The following OR2T29 variants were observed in gnomAD, a reference collection of about 807,000 sequenced individuals.
OR2T29 encodes the protein olfactory receptor family 2 subfamily T member 29, also known as olfactory receptor 2T29.
For synonymous variants in OR2T29, 2 were observed against 44.9 expected, an observed-to-expected ratio of 0.04 and a Z score of 3.82; for missense variants, 7 against 121.9, an observed-to-expected ratio of 0.06 and a Z score of 4.44.
Position 248,559,465 on chromosome 1 carries a change from G to A in OR2T29, c.27C>T (p.Asn9=), listed in dbSNP as rs1278349237. The A allele has an allele frequency of 1.3e-6, 2 of 1,583,238 alleles. No homozygotes were observed. The highest frequency in any genetic ancestry group is 2.7e-5 in the African/African-American group (2 of 73,070). Residue 9 remains asparagine, a synonymous_variant, in exon 2 of 2, where the codon AAC becomes AAT. Coordinates refer to ENST00000641069, the MANE Select transcript of OR2T29 (RefSeq NM_001004694.3). ...GGATGAAATCCAACCTTCCAGTGTGGTTGGCCATCCTGGTGATGTTGGCCA... is the reference window on the plus strand; with the variant it reads ...GGATGAAATCCAACCTTCCAGTGTGATTGGCCATCCTGGTGATGTTGGCCA... The part of the protein sequence containing the change: MANITRMA[N]HTGRLDFILM...
At chr1:248,559,539 C>G in intron 1 of OR2T29, 38 bp from the exon 2 acceptor site, 1 of 1,095,246 alleles carries the variant, frequency 9.1e-7, no homozygotes, top group Non-Finnish European at 1.4e-6. Flanking sequence ...CAGTGTAACG[C>G]GTCCCTTTGT....
At chr1:248,562,608 G>T (rs1572078301) in intron 1 of OR2T29, 118 bp downstream of exon 1, 1 of 144,758 alleles carries the variant, frequency 6.9e-6, no homozygotes, top group Non-Finnish European at 1.5e-5. Flanking sequence ...AGATGATAAA[G>T]AAAAAATGAG....
chr1:248,562,681 C>CCT (rs1305073049), intron 1 of OR2T29, 45 bp downstream of exon 1: 1 of 145,190 alleles, frequency 6.9e-6, no homozygotes, highest in Admixed American at 6.8e-5. Flanking sequence ...CAGTGATGAC[C>CCT]CTTTTGTTCC....
intron 1 of OR2T29, among the ~76,000 whole-genome samples, chr1:248,560,497 G>A (rs1246529661): frequency 2.1e-5 from 1 of 48,606 alleles, no homozygotes; most frequent in African/African-American, 3.7e-5. Context: ...TAAAGCATAT[G>A]ACCCACTTTA....
chr1:248,560,684 G>A (rs980562542), intron 1 of OR2T29, among the ~76,000 whole-genome samples: 1 of 10,556 alleles, frequency 9.5e-5, no homozygotes, highest in African/African-American at 1.3e-4. Context: ...TTCCTGCCTA[G>A]TATGTGGTCC....
intron 1 of OR2T29, among the ~76,000 whole-genome samples, chr1:248,561,932 C>T (rs1377459928): frequency 4.9e-5 from 7 of 142,816 alleles, no homozygotes; most frequent in Admixed American, 4.9e-4. Context: ...GTTCATTCTT[C>T]TTCTGTACCC....
chr1:248,562,276 T>A (rs11486191), intron 1 of OR2T29, among the ~76,000 whole-genome samples: 26,613 of 135,878 alleles, frequency 0.2, 280 homozygotes, highest in East Asian at 0.37. Flanking sequence ...CCATCCTCCC[T>A]CTGCAGTCTA....
At chr1:248,560,514 AAC>A (rs1290827307) in intron 1 of OR2T29, among the ~76,000 whole-genome samples, 576 of 40,456 alleles carry the variant, frequency 0.014, 2 homozygotes, top group African/African-American at 0.024. Context: ...TTTAAAAAAA[AAC>A]AATTTGGATT....
rs1183996118 is a variant in OR2T29 at position 248,559,492 on chromosome 1, G to A, written c.-1C>T. 1 of 1,595,394 alleles carries A rather than the reference G, an allele frequency of 6.3e-7. No homozygotes were observed. Among genetic ancestry groups the A allele is most frequent in the Non-Finnish European group, 8.5e-7 (1 of 1,170,138 alleles). On this transcript the variant is annotated 5_prime_UTR_variant, in exon 2 of 2. Transcript: ENST00000641069. ...TGGCCATCCTGGTGATGTTGGCCAT[G>A]AGGTTTCACCTAGGCCACCAAGGAG...
At chr1:248,562,374 G>A (rs1659537932) in intron 1 of OR2T29, among the ~76,000 whole-genome samples, 1 of 135,344 alleles carries the variant, frequency 7.4e-6, no homozygotes, top group Non-Finnish European at 1.5e-5. Flanking sequence ...GTAACCCTCA[G>A]AAATAATCCC....
chr1:248,560,226 A>G (rs1268614024), intron 1 of OR2T29, among the ~76,000 whole-genome samples: 1 of 49,092 alleles, frequency 2.0e-5, no homozygotes, highest in African/African-American at 3.6e-5. Context: ...GATAAAAATC[A>G]TGTTTGAGCT....
rs1282641940 is a variant in OR2T29 at position 248,558,986 on chromosome 1, C to G, written c.506G>C (p.Ser169Thr). Residue 169 changes from serine (S) to threonine (T), a missense_variant, in exon 2 of 2, where the codon AGC becomes ACC. Coordinates refer to ENST00000641069, the MANE Select transcript of OR2T29 (RefSeq NM_001004694.3). ...CTCCCAGGATCTGCAGAAGGGGAAG[C>G]TCATGGTGATGGGAGTGAGCATGAA... ...DGFMLTPITM[S>T]FPFCRSWEIH... 4 of 183,508 alleles carry G rather than the reference C, an allele frequency of 2.2e-5. 1 individual carries two copies. The highest frequency in any genetic ancestry group is 1.5e-4 in the South Asian group (4 of 26,722). 11.4% of individuals were successfully genotyped at this position (183,508 alleles called of 1,614,324 possible). A position where few individuals can be genotyped will look rare whatever the true frequency, so the allele number is the denominator to read the frequency against.
chr1:248,561,913 T>TGGCC, intron 1 of OR2T29, among the ~76,000 whole-genome samples: 1 of 139,074 alleles, frequency 7.2e-6, no homozygotes, highest in African/African-American at 2.8e-5. Context: ...CACAGTGAAC[T>TGGCC]GGCCCCCTGT....
In OR2T29 at chr1:248,558,141, CAT is replaced by C. The variant is rs1227763710; in HGVS notation, c.*401_*402del. On this transcript the variant is annotated 3_prime_UTR_variant, in exon 2 of 2. Coordinates refer to ENST00000641069, the MANE Select transcript of OR2T29 (RefSeq NM_001004694.3). ...AATTAATACCTATATACCCTTTACC[CAT>C]ACTCATGTGTGGCAGCAACATTGAA... is the stretch of plus-strand genomic sequence containing the variant. 3 of 110,438 alleles carry C rather than the reference CAT, an allele frequency of 2.7e-5. No homozygotes were observed. Among genetic ancestry groups the C allele is most frequent in the African/African-American group, 1.0e-4 (3 of 30,048 alleles). The allele number at this position is 110,438 out of a possible 1,614,324, so 6.8% of individuals were successfully genotyped here.
Position 248,559,591 on chromosome 1 carries a change from G to T in OR2T29, c.-10-90C>A. 4 of 787,980 alleles carry T rather than the reference G, an allele frequency of 5.1e-6. No homozygotes were observed. In the South Asian group the frequency reaches 6.6e-5, roughly 13 times the overall value. The allele number at this position is 787,980 out of a possible 1,614,324, so 48.8% of individuals were successfully genotyped here. A position where few individuals can be genotyped will look rare whatever the true frequency, so the allele number is the denominator to read the frequency against. On this transcript the variant is annotated intron_variant, in intron 1 of 1. Coordinates refer to ENST00000641069, the MANE Select transcript of OR2T29 (RefSeq NM_001004694.3). Reference sequence around the variant, plus strand: ...GTACTCACATTTGTGTATGCTCATTGTGCTAACCTGAGTCCCGTGGGTCTG... The same window carrying T: ...GTACTCACATTTGTGTATGCTCATTTTGCTAACCTGAGTCCCGTGGGTCTG...
chr1:248,560,458 A>G (rs1307625890), intron 1 of OR2T29, among the ~76,000 whole-genome samples: 13 of 77,612 alleles, frequency 1.7e-4, no homozygotes, highest in African/African-American at 3.5e-4. Context: ...GCTGACTTTC[A>G]AAATAAAAAT....
chr1:248,562,302 C>A (rs1274218666), intron 1 of OR2T29, among the ~76,000 whole-genome samples: 1 of 146,784 alleles, frequency 6.8e-6, no homozygotes, highest in Non-Finnish European at 1.5e-5. Flanking sequence ...TGGATTTAGG[C>A]CACTGTCTGT....
At chr1:248,562,435 AAAAT>A (rs1247092633) in intron 1 of OR2T29, among the ~76,000 whole-genome samples, 2 of 142,488 alleles carry the variant, frequency 1.4e-5, no homozygotes, top group East Asian at 2.0e-4. Flanking sequence ...CAGTGACAGG[AAAAT>A]AAATACATCA....
In OR2T29 at chr1:248,560,506, T is replaced by TA. The variant is rs1321772906; in HGVS notation, c.-10-1006dup. Among the ~76,000 whole-genome samples the TA allele has an allele frequency of 8.0e-3, 336 of 41,928 alleles. 9 individuals carry two copies. Among genetic ancestry groups the TA allele is most frequent in the African/African-American group, 0.013 (323 of 24,410 alleles). The allele number at this position is 41,928 out of a possible 152,430, so 27.5% of individuals were successfully genotyped here. A position where few individuals can be genotyped will look rare whatever the true frequency, so the allele number is the denominator to read the frequency against. On this transcript the variant is annotated intron_variant, in intron 1 of 1. Coordinates refer to ENST00000641069, the MANE Select transcript of OR2T29 (RefSeq NM_001004694.3). ...GCAAAATAAAGCATATGACCCACTT[T>TA]AAAAAAAAACAATTTGGATTTTATA...
Sources: gnomAD v4.1 joint callset for allele counts (sites outside exome capture counted in the v4.1 genomes callset) on GRCh38, gnomAD v4.1.1 for gene constraint, MANE v1.5 for transcripts, NCBI Gene and HGNC (gene_info 2026-07-23, HGNC 2026-07-21) for gene names.